The following CDH17 variants were observed in gnomAD, a reference collection of about 807,000 sequenced individuals.
CDH17 encodes the protein cadherin 17.
Under a neutral mutation model 86.3 loss-of-function variants are expected in CDH17, and 67 were observed. The observed-to-expected ratio is 0.78, with a 90% CI of 0.64 to 0.95. The LOEUF (loss-of-function observed/expected upper bound fraction) is 0.95, where lower values mean the gene tolerates loss of function less well. Ranked by LOEUF, CDH17 falls within the 40% of genes least tolerant of loss-of-function variation. CDH17 has a pLI of 0.00. For synonymous variants in CDH17, 367 were observed against 366.4 expected, an observed-to-expected ratio of 1.00 and a Z score of -0.02; for missense variants, 993 against 1,017.6, an observed-to-expected ratio of 0.98 and a Z score of 0.33.
intron 1 of CDH17, among the ~76,000 whole-genome samples, chr8:94,216,183 G>T (rs1483401062): frequency 1.3e-5 from 2 of 152,160 alleles, no homozygotes; most frequent in Non-Finnish European, 2.9e-5. Flanking sequence ...ATTACATTGG[G>T]CCTGGTCTCA....
Position 94,189,224 on chromosome 8 carries a change from A to G in CDH17, c.113T>C (p.Ile38Thr), listed in dbSNP as rs2130662641. ...TTGACTCGGTTCTTGGCCTTCATAA[A>G]TAGAAAATGTCATGGGTTTCAGGGG... ...SGPLKPMTFS[I>T]YEGQEPSQII... The change falls in exon 3 of 18, where the codon ATT becomes ACT. Residue 38 changes from isoleucine to threonine, a missense_variant. Physicochemically the swap from Ile to Thr is moderately conservative, Grantham distance 89. Transcript: ENST00000027335. 6.2e-7 allele frequency: 1 copy of G among 1,613,512 alleles called. No individual in the cohort carries two copies. The highest frequency in any genetic ancestry group is 1.3e-5 in the African/African-American group (1 of 74,978).
chr8:94,151,906 G>T lies in CDH17; in HGVS notation c.1758C>A (p.Gly586=). Residue 586 remains glycine (G), a synonymous_variant, in exon 13 of 18, where the codon GGC becomes GGA. Transcript: ENST00000027335. The part of the protein sequence containing the change: ...SEDVAIGTKV[G]NVTAKDPEGL... ...CTTCTGGATCCTTGGCAGTCACATT[G>T]CCCACTTTAGTGCCTATAGCTACAT... The T allele has an allele frequency of 1.2e-6, 2 of 1,614,138 alleles. No individual in the cohort carries two copies. The highest frequency in any genetic ancestry group is 4.5e-5 in the East Asian group (2 of 44,868).
chr8:94,131,042 A>ATTCCT (rs1178401145), intron 15 of CDH17, 50 bp from the exon 16 acceptor site: 1 of 961,496 alleles, frequency 1.0e-6, no homozygotes, highest in South Asian at 1.3e-5. Context: ...ACCCTGGATT[A>ATTCCT]GCAGGAATAA....
At chr8:94,181,623 A>G (rs1309738479) in intron 3 of CDH17, among the ~76,000 whole-genome samples, 2 of 152,102 alleles carry the variant, frequency 1.3e-5, no homozygotes, top group African/African-American at 4.8e-5. Flanking sequence ...ATCTTATGGG[A>G]TGCAGATAAA....
At position 94,170,952 on chromosome 8, in the gene CDH17, A is replaced by G. The variant is rs541395956; in HGVS notation, c.817T>C (p.Leu273=). 1.9e-6 allele frequency: 3 copies of G among 1,613,848 alleles called. No individual in the cohort carries two copies. Among genetic ancestry groups the G allele is most frequent in the Non-Finnish European group, 2.5e-6 (3 of 1,179,834 alleles). Residue 273 remains leucine, a synonymous_variant, in exon 8 of 18, where the codon TTA becomes CTA. Coordinates refer to ENST00000027335, the MANE Select transcript of CDH17 (RefSeq NM_004063.4). ...CTTGGCAGCTTCTCTTTGTCAACTA[A>G]GGAATATTGTGCACCGGGATCATTC... is the stretch of plus-strand genomic sequence containing the variant. The part of the protein sequence containing the change: ...RWNDPGAQYS[L]VDKEKLPRFP...
chr8:94,190,441 G>C (rs1813664631), intron 2 of CDH17, among the ~76,000 whole-genome samples: 1 of 152,158 alleles, frequency 6.6e-6, no homozygotes, highest in South Asian at 2.1e-4. Flanking sequence ...AGATGGAGTG[G>C]GCACCCACGG....
chr8:94,189,991 CT>C (rs2130663858), intron 2 of CDH17, among the ~76,000 whole-genome samples: 1 of 151,970 alleles, frequency 6.6e-6, no homozygotes, highest in East Asian at 1.9e-4. Flanking sequence ...AACTTGAAAG[CT>C]AAGCAGGCTC....
At chr8:94,205,947 TA>T (rs1245917685) in intron 1 of CDH17, among the ~76,000 whole-genome samples, 1 of 152,164 alleles carries the variant, frequency 6.6e-6, no homozygotes, top group Non-Finnish European at 1.5e-5. Context: ...GCTTAGATGT[TA>T]AGGGAACAAA....
At chr8:94,196,478 G>C (rs910462425) in intron 1 of CDH17, among the ~76,000 whole-genome samples, 1 of 152,148 alleles carries the variant, frequency 6.6e-6, no homozygotes, top group African/African-American at 2.4e-5. Context: ...ACCGAGGCAG[G>C]TGGGTTGCTT....
intron 1 of CDH17, among the ~76,000 whole-genome samples, chr8:94,203,734 A>G (rs2129647188): frequency 6.6e-6 from 1 of 152,314 alleles, no homozygotes; most frequent in Admixed American, 6.5e-5. Flanking sequence ...ACAGGTATAA[A>G]TCTGGGCTTC....
At chr8:94,195,515 AT>A (rs1205310366) in intron 1 of CDH17, among the ~76,000 whole-genome samples, 2 of 152,160 alleles carry the variant, frequency 1.3e-5, no homozygotes. Context: ...GAAAAAATTA[AT>A]TTCTTACTAT....
Position 94,165,884 on chromosome 8 carries a change from TG to T in CDH17, c.1158del (p.Lys387AsnfsTer9). 1.2e-6 allele frequency: 2 copies of T among 1,613,902 alleles called. No homozygotes were observed. Among genetic ancestry groups the T allele is most frequent in the Non-Finnish European group, 1.7e-6 (2 of 1,179,822 alleles). ...AGGAAGAGTCCATCCATGGGAAGTT[TG>T]GGAGTTTGCTCCACAATCCTGTAGT... ...FLNYRIVEQT[P>X]KLPMDGLFLI... On this transcript the variant is annotated frameshift_variant, in exon 10 of 18. Transcript: ENST00000027335. LOFTEE classifies it high-confidence loss of function.
intron 12 of CDH17, among the ~76,000 whole-genome samples, chr8:94,155,890 T>A (rs1812936335): frequency 3.3e-5 from 5 of 152,188 alleles, no homozygotes; most frequent in Admixed American, 2.6e-4. Context: ...TCCGCATAAC[T>A]TCCACACCTG....
intron 15 of CDH17, among the ~76,000 whole-genome samples, chr8:94,132,247 C>T (rs1328832041): frequency 6.6e-6 from 1 of 152,186 alleles, no homozygotes; most frequent in Non-Finnish European, 1.5e-5. Flanking sequence ...CTTGAGGAAT[C>T]ACCACACTGT....
At chr8:94,181,273 G>A (rs981073426) in intron 3 of CDH17, among the ~76,000 whole-genome samples, 11 of 151,988 alleles carry the variant, frequency 7.2e-5, no homozygotes, top group Non-Finnish European at 1.5e-4. Context: ...TTAAATAATA[G>A]AATAGAAAAT....
intron 1 of CDH17, among the ~76,000 whole-genome samples, chr8:94,199,827 G>A (rs113085993): frequency 0.026 from 3,960 of 152,150 alleles, 83 homozygotes; most frequent in Middle Eastern, 0.058. Context: ...CGGCTGACTC[G>A]TGGCCCTATC....
chr8:94,171,469 C>T (rs1046252078), intron 7 of CDH17, among the ~76,000 whole-genome samples: 24 of 152,142 alleles, frequency 1.6e-4, no homozygotes, highest in African/African-American at 5.8e-4. Flanking sequence ...AAGGACATTC[C>T]TTTCCTAAAT....
At chr8:94,179,597 G>A (rs895988956) in intron 3 of CDH17, among the ~76,000 whole-genome samples, 1 of 152,212 alleles carries the variant, frequency 6.6e-6, no homozygotes, top group African/African-American at 2.4e-5. Flanking sequence ...AGAAAGTGAA[G>A]GCGAAGGCAG....
chr8:94,166,983 TTGG>T (rs1220479832), intron 9 of CDH17, among the ~76,000 whole-genome samples: 2 of 152,144 alleles, frequency 1.3e-5, no homozygotes, highest in Non-Finnish European at 2.9e-5. Context: ...AGTCACCAAA[TTGG>T]TGGTGATTTG....
Sources: allele counts gnomAD v4.1 joint callset (sites outside exome capture counted in the v4.1 genomes callset), GRCh38; gene constraint gnomAD v4.1.1; transcripts MANE v1.5; gene names NCBI Gene and HGNC (gene_info 2026-07-23, HGNC 2026-07-21).